Variants in CPXM2 observed in about 807,000 individuals in gnomAD.
CPXM2 encodes the protein carboxypeptidase X, M14 family member 2, also known as inactive carboxypeptidase-like protein X2.
CPXM2 carries 66 observed loss-of-function variants against 86.1 expected under a neutral mutation model. That is an observed-to-expected ratio of 0.77 (90% CI 0.63 to 0.94). The LOEUF (loss-of-function observed/expected upper bound fraction) is 0.94, where lower values mean the gene tolerates loss of function less well. Ranked by LOEUF, CPXM2 falls within the 40% of genes least tolerant of loss-of-function variation. CPXM2 has a pLI of 0.00. For missense variants in CPXM2, 948 were observed against 1,026.3 expected, an observed-to-expected ratio of 0.92 and a Z score of 1.04; for synonymous variants, 388 against 400.2, an observed-to-expected ratio of 0.97 and a Z score of 0.36.
At chr10:123,932,530 T>A (rs1423608597) in intron 2 of CPXM2, among the ~76,000 whole-genome samples, 1 of 152,226 alleles carries the variant, frequency 6.6e-6, no homozygotes, top group Non-Finnish European at 1.5e-5. Context: ...AGTGGCCAAC[T>A]CAATAGTGCA....
At chr10:123,784,338 A>C (rs1239840880) in intron 6 of CPXM2, among the ~76,000 whole-genome samples, 1 of 152,076 alleles carries the variant, frequency 6.6e-6, no homozygotes, top group Admixed American at 6.5e-5. Context: ...CCCTGTTGAC[A>C]CCTTGCTCTC....
chr10:123,835,042 A>C (rs187280678), intron 4 of CPXM2, among the ~76,000 whole-genome samples: 4 of 152,210 alleles, frequency 2.6e-5, no homozygotes, highest in African/African-American at 7.2e-5. Context: ...TGAATCATGC[A>C]CCAAATAAAC....
At position 123,854,385 on chromosome 10, in the gene CPXM2, A is replaced by AATATATATATT. The variant is rs1221083120; in HGVS notation, c.513+8218_513+8228dup. Among the ~76,000 whole-genome samples, 52 of 86,456 alleles carry AATATATATATT rather than the reference A, an allele frequency of 6.0e-4. 1 individual carries two copies. The highest frequency in any genetic ancestry group is 2.4e-3 in the African/African-American group (46 of 19,104). 56.7% of individuals were successfully genotyped at this position (86,456 alleles called of 152,430 possible). On this transcript the variant is annotated intron_variant, in intron 3 of 13. Transcript: ENST00000241305. ...AAATATATATATATAATATATATATAATATATATATTATATATATATTATA... is the reference window on the plus strand; with the variant it reads ...AAATATATATATATAATATATATATAATATATATATTATATATATATTATATATATATTATA...
Position 123,746,742 on chromosome 10 carries a change from G to C in CPXM2, c.*22C>G. On this transcript the variant is annotated 3_prime_UTR_variant, in exon 14 of 14. Transcript: ENST00000241305. ...GGTTTAATTTGCATGGGTCCCAGAC[G>C]AGTCTCAAGGGCCCAGGAGGGTCAC... is the stretch of plus-strand genomic sequence containing the variant. 2 of 1,612,142 alleles carry C rather than the reference G, an allele frequency of 1.2e-6. No individual in the cohort carries two copies.
At chr10:123,764,342 G>A (rs935519483) in intron 10 of CPXM2, among the ~76,000 whole-genome samples, 1 of 152,018 alleles carries the variant, frequency 6.6e-6, no homozygotes, top group African/African-American at 2.4e-5. Flanking sequence ...TACACTAAAA[G>A]CTATATTCAA....
At chr10:123,791,394 G>C (rs1207728829) in intron 6 of CPXM2, among the ~76,000 whole-genome samples, 4 of 152,160 alleles carry the variant, frequency 2.6e-5, no homozygotes. Flanking sequence ...TCCAGCCTGG[G>C]AACAGCAGAA....
chr10:123,753,843 C>A (rs1846135122), intron 13 of CPXM2, among the ~76,000 whole-genome samples: 1 of 152,174 alleles, frequency 6.6e-6, no homozygotes, highest in Non-Finnish European at 1.5e-5. Flanking sequence ...GAATTTTGTA[C>A]CCTCCATTCA....
In CPXM2 at chr10:123,865,516, C is replaced by T. The variant is rs999231441; in HGVS notation, c.404-2793G>A. On this transcript the variant is annotated intron_variant, in intron 2 of 13. Coordinates refer to ENST00000241305, the MANE Select transcript of CPXM2 (RefSeq NM_198148.3). This position sits in a 1 kb window ranked among gnomAD's most constrained non-coding sequence, Gnocchi z 4.7. Reference sequence around the variant, plus strand: ...GTGCAGGTGGAAAGGCACAGAGCTCCCGTCATCTAGGAAGCAGAACAGTGG... The same window carrying T: ...GTGCAGGTGGAAAGGCACAGAGCTCTCGTCATCTAGGAAGCAGAACAGTGG... Among the ~76,000 whole-genome samples the T allele has an allele frequency of 1.4e-4, 21 of 152,096 alleles. No individual in the cohort carries two copies. The highest frequency in any genetic ancestry group is 2.6e-4 in the Non-Finnish European group (18 of 68,030).
At chr10:123,887,719 CAT>C (rs1026461812) in intron 1 of CPXM2, among the ~76,000 whole-genome samples, 3 of 151,660 alleles carry the variant, frequency 2.0e-5, no homozygotes, top group African/African-American at 7.3e-5. Flanking sequence ...CACACACACA[CAT>C]ACACAAACAA....
At chr10:123,920,779 G>T (rs1348760138) in intron 2 of CPXM2, among the ~76,000 whole-genome samples, 2 of 152,210 alleles carry the variant, frequency 1.3e-5, no homozygotes, top group Non-Finnish European at 2.9e-5. Flanking sequence ...GATTAATGCT[G>T]TTATCTCAGG....
intron 13 of CPXM2, among the ~76,000 whole-genome samples, chr10:123,753,675 C>T (rs1212994109): frequency 1.3e-5 from 2 of 152,170 alleles, no homozygotes; most frequent in African/African-American, 4.8e-5. Context: ...CCAGGGGCAG[C>T]CTTCTGCTGT....
At chr10:123,900,695 G>C (rs984729893) in intron 2 of CPXM2, among the ~76,000 whole-genome samples, 1 of 152,152 alleles carries the variant, frequency 6.6e-6, no homozygotes, top group Non-Finnish European at 1.5e-5. Context: ...ATAATTAAAG[G>C]TTTATATAAA....
intron 4 of CPXM2, among the ~76,000 whole-genome samples, chr10:123,801,292 G>A (rs570969780): frequency 2.3e-4 from 35 of 152,268 alleles, no homozygotes; most frequent in Admixed American, 1.2e-3. Flanking sequence ...CTTGCCTGCC[G>A]CCAGGTGAGA....
intron 13 of CPXM2, chr10:123,750,462 C>T: frequency 1.0e-6 from 1 of 985,324 alleles, no homozygotes; most frequent in Non-Finnish European, 1.2e-6. Flanking sequence ...CTTTGCTCTT[C>T]TAAAGGCCAG....
chr10:123,939,551 A>T (rs1945755446), intron 1 of CPXM2: 1 of 152,268 alleles, frequency 6.6e-6, no homozygotes, highest in Admixed American at 6.5e-5. Flanking sequence ...GGAGGAGAGA[A>T]AGGCACACGC....
chr10:123,831,398 C>T lies in CPXM2; in HGVS notation c.653+10951G>A, dbSNP rs114057044. Among the ~76,000 whole-genome samples, 280 of 152,332 alleles carry T rather than the reference C, an allele frequency of 1.8e-3. 1 individual carries two copies. Among genetic ancestry groups the T allele is most frequent in the African/African-American group, 6.4e-3 (268 of 41,578 alleles). On this transcript the variant is annotated intron_variant, in intron 4 of 13. Transcript: ENST00000241305. ...AGGCACTGCCTACAGCTGGGAGCTC[C>T]AGGACCCATGACCCAGTATCGGACA...
intron 4 of CPXM2, among the ~76,000 whole-genome samples, chr10:123,811,968 C>T (rs1444908693): frequency 6.6e-6 from 1 of 152,140 alleles, no homozygotes; most frequent in African/African-American, 2.4e-5. Flanking sequence ...ACAATAAAAA[C>T]CTTAAAGAAG....
At chr10:123,750,650 G>A (rs1846052049) in intron 13 of CPXM2, 1 of 970,578 alleles carries the variant, frequency 1.0e-6, no homozygotes, top group South Asian at 4.8e-5. Flanking sequence ...GGTCATATTT[G>A]TTTTGCTCAC....
At chr10:123,824,890 C>T (rs2134119165) in intron 4 of CPXM2, among the ~76,000 whole-genome samples, 1 of 152,352 alleles carries the variant, frequency 6.6e-6, no homozygotes, top group Middle Eastern at 3.4e-3. Context: ...GGGACTCAGG[C>T]ATTCAACTGA....
Sources: allele counts gnomAD v4.1 joint callset (sites outside exome capture counted in the v4.1 genomes callset), GRCh38; gene constraint gnomAD v4.1.1; non-coding constraint Gnocchi (gnomAD v3.1); transcripts MANE v1.5; gene names NCBI Gene and HGNC (gene_info 2026-07-23, HGNC 2026-07-21).